The following NOS1 variants were observed in gnomAD, a reference collection of about 807,000 sequenced individuals.
NOS1 encodes the protein NOS type I.
A neutral mutation model predicts 164.5 loss-of-function variants in NOS1; 51 were observed. The observed-to-expected ratio is 0.31, with a 90% CI of 0.25 to 0.39. NOS1 has a LOEUF of 0.39. NOS1 is among the 10% of genes least tolerant of loss of function. NOS1 has a pLI of 1.00. For missense variants in NOS1, 1,362 were observed against 1,885.6 expected, an observed-to-expected ratio of 0.72 and a Z score of 5.14; for synonymous variants, 719 against 745.8, an observed-to-expected ratio of 0.96 and a Z score of 0.59.
At chr12:117,320,700 C>T (rs1874873655) in intron 2 of NOS1, among the ~76,000 whole-genome samples, 1 of 152,142 alleles carries the variant, frequency 6.6e-6, no homozygotes, top group Non-Finnish European at 1.5e-5. Flanking sequence ...ACCCATGTGT[C>T]CAGCCTCACT....
Position 117,272,134 on chromosome 12 carries a change from A to G in NOS1, c.1839+251T>C, listed in dbSNP as rs572082521. ...AAGGTTCAGGTGAGGATGAAATGAG[A>G]ATGGAACACAGCAACAGTGCTTCGG... is the stretch of plus-strand genomic sequence containing the variant. On this transcript the variant is annotated intron_variant, in intron 10 of 28. Coordinates refer to ENST00000317775, the MANE Select transcript of NOS1 (RefSeq NM_000620.5). The surrounding 1 kb of genome is among the most constrained non-coding windows in gnomAD (Gnocchi z 4.3). Among the ~76,000 whole-genome samples, 2 of 152,282 alleles carry G rather than the reference A, an allele frequency of 1.3e-5. No individual in the cohort carries two copies. Among genetic ancestry groups the G allele is most frequent in the Admixed American group, 1.3e-4 (2 of 15,300 alleles).
Position 117,288,136 on chromosome 12 carries a change from T to G in NOS1, c.1065A>C (p.Thr355=). 1 of 1,614,224 alleles carries G rather than the reference T, an allele frequency of 6.2e-7. No individual in the cohort carries two copies. The highest frequency in any genetic ancestry group is 8.5e-7 in the Non-Finnish European group (1 of 1,180,036). ...TGGCGAGAGGGAAGAGCTGTCCTTTTGTGCGGACGTCTTCAGGCCTCCTTG... is the reference window on the plus strand; with the variant it reads ...TGGCGAGAGGGAAGAGCTGTCCTTTGGTGCGGACGTCTTCAGGCCTCCTTG... ...QHARRPEDVR[T]KGQLFPLAKE... is the part of the protein sequence containing the mutation. The change falls in exon 5 of 29, where the codon ACA becomes ACC. Residue 355 remains threonine (T), a synonymous_variant. Transcript: ENST00000317775.
chr12:117,226,955 AC>A lies in NOS1; in HGVS notation c.3617-186del, dbSNP rs371275951. On this transcript the variant is annotated intron_variant, in intron 23 of 28. Transcript: ENST00000317775. ...GCTGGGGTGACTTCGTGCCTGTGCA[AC>A]CACCCAGGGTTCTATTGGGTAGGGG... Among the ~76,000 whole-genome samples the A allele has an allele frequency of 1.1e-3, 169 of 152,140 alleles. 2 individuals carry two copies. Among genetic ancestry groups the A allele is most frequent in the East Asian group, 7.7e-3 (40 of 5,162 alleles).
chr12:117,318,314 T>C (rs1874759677), intron 2 of NOS1, among the ~76,000 whole-genome samples: 1 of 152,106 alleles, frequency 6.6e-6, no homozygotes, highest in African/African-American at 2.4e-5. Context: ...CCCTGGGAAC[T>C]CTCTGGCCCA....
intron 2 of NOS1, among the ~76,000 whole-genome samples, chr12:117,327,313 T>C (rs1875301924): frequency 1.3e-5 from 2 of 151,974 alleles, no homozygotes; most frequent in South Asian, 2.1e-4. Flanking sequence ...AGGTGGTGCT[T>C]GGGGGCAGCC....
intron 3 of NOS1, chr12:117,304,900 T>G: frequency 1.7e-6 from 1 of 587,044 alleles, no homozygotes; most frequent in Non-Finnish European, 2.1e-6. Context: ...ACCTCACTAT[T>G]TCCTCCAGGA....
chr12:117,257,609 T>C (rs1485275527), intron 16 of NOS1, among the ~76,000 whole-genome samples: 1 of 31,506 alleles, frequency 3.2e-5, no homozygotes, highest in Non-Finnish European at 4.8e-5. Flanking sequence ...GATTTTAGCT[T>C]TTTTTTTTTT....
chr12:117,214,856 C>T lies in NOS1; in HGVS notation c.*453G>A, dbSNP rs899663713. ...CATCACACACACACACACACACACA[C>T]ACACACACACAGGCACGCACAACCA... On this transcript the variant is annotated 3_prime_UTR_variant, in exon 29 of 29. Coordinates refer to ENST00000317775, the MANE Select transcript of NOS1 (RefSeq NM_000620.5). The T allele has an allele frequency of 3.0e-6, 3 of 987,220 alleles. No homozygotes were observed. The East Asian group carries it at 3.4e-4, about 111-fold the overall frequency. 61.2% of individuals were successfully genotyped at this position (987,220 alleles called of 1,614,324 possible).
intron 10 of NOS1, among the ~76,000 whole-genome samples, chr12:117,271,008 A>G (rs974351503): frequency 6.6e-6 from 1 of 152,166 alleles, no homozygotes; most frequent in Non-Finnish European, 1.5e-5. Context: ...GCACCACTGC[A>G]TTCAAGCCTG....
At chr12:117,339,032 T>C (rs766859147) in intron 1 of NOS1, among the ~76,000 whole-genome samples, 1 of 152,136 alleles carries the variant, frequency 6.6e-6, no homozygotes, top group Non-Finnish European at 1.5e-5. Flanking sequence ...TTTTAAAAAA[T>C]GCAAAACCAC....
chr12:117,279,713 A>G (rs879813393), intron 8 of NOS1, among the ~76,000 whole-genome samples: 1 of 152,200 alleles, frequency 6.6e-6, no homozygotes, highest in Non-Finnish European at 1.5e-5. Context: ...TCTGGTGACC[A>G]CGAGGACAAG....
chr12:117,312,618 T>G (rs1032972851), intron 2 of NOS1, among the ~76,000 whole-genome samples: 2 of 151,980 alleles, frequency 1.3e-5, no homozygotes, highest in Non-Finnish European at 2.9e-5. Context: ...AGATAGGGTC[T>G]CACTGTGTTG....
rs1872300928 is a variant in NOS1, at chr12:117,265,348, T to C, written c.2104A>G (p.Asn702Asp). The change falls in exon 12 of 29, where the codon AAC becomes GAC. Residue 702 changes from asparagine (N) to aspartate (D), a missense_variant. Asn to Asp is a conservative substitution (Grantham distance 23). Transcript: ENST00000317775. ...ITPVFHQEMLNYRLTPSFEYQ... is the reference protein window; with the variant it reads ...ITPVFHQEMLDYRLTPSFEYQ... ...TCGAAGGAGGGGGTGAGCCGGTAGTTGAGCATCTCCTGGTGGAACACAGGG... is the reference window on the plus strand; with the variant it reads ...TCGAAGGAGGGGGTGAGCCGGTAGTCGAGCATCTCCTGGTGGAACACAGGG... The C allele has an allele frequency of 1.3e-6, 2 of 1,564,136 alleles. No individual in the cohort carries two copies. Among genetic ancestry groups the C allele is most frequent in the East Asian group, 4.6e-5 (2 of 43,062 alleles).
rs1048507856 is a variant in NOS1, at chr12:117,211,725, C to T, written c.*3584G>A. 2 of 985,374 alleles carry T rather than the reference C, an allele frequency of 2.0e-6. No individual in the cohort carries two copies. Among genetic ancestry groups the T allele is most frequent in the Admixed American group, 1.2e-4 (2 of 16,254 alleles). 61.0% of individuals were successfully genotyped at this position (985,374 alleles called of 1,614,324 possible). A position where few individuals can be genotyped will look rare whatever the true frequency, so the allele number is the denominator to read the frequency against. On this transcript the variant is annotated 3_prime_UTR_variant, in exon 29 of 29. Coordinates refer to ENST00000317775, the MANE Select transcript of NOS1 (RefSeq NM_000620.5). ...AGTGAAATCCCGCCCATTTCTCAAA[C>T]CCCAGAAATTTATGTCAGTTCCAAG... is the stretch of plus-strand genomic sequence containing the variant.
chr12:117,212,388 GT>G lies in NOS1; in HGVS notation c.*2920del. On this transcript the variant is annotated 3_prime_UTR_variant, in exon 29 of 29. Transcript: ENST00000317775. Reference sequence around the variant, plus strand: ...AATTCCATATTGATGGGTCTGAAGTGTCCCCCCGCAAAAGAAAGACACCTGG... The same window carrying G: ...AATTCCATATTGATGGGTCTGAAGTGCCCCCCGCAAAAGAAAGACACCTGG... 1 of 985,342 alleles carries G rather than the reference GT, an allele frequency of 1.0e-6. No individual in the cohort carries two copies. 61.0% of individuals were successfully genotyped at this position (985,342 alleles called of 1,614,324 possible). A position where few individuals can be genotyped will look rare whatever the true frequency, so the allele number is the denominator to read the frequency against.
At chr12:117,275,157 T>C (rs1222389925) in intron 9 of NOS1, among the ~76,000 whole-genome samples, 1 of 151,946 alleles carries the variant, frequency 6.6e-6, no homozygotes, top group East Asian at 1.9e-4. Flanking sequence ...TACACACATA[T>C]ATATATACAC....
At position 117,215,195 on chromosome 12, in the gene NOS1, C is replaced by T; in HGVS notation, c.*114G>A. 1 of 1,347,050 alleles carries T rather than the reference C, an allele frequency of 7.4e-7. No homozygotes were observed. 83.4% of individuals were successfully genotyped at this position (1,347,050 alleles called of 1,614,324 possible). On this transcript the variant is annotated 3_prime_UTR_variant, in exon 29 of 29. Transcript: ENST00000317775. ...AGAAGCCCGAGGAGGGAAACCAGGG[C>T]ACAGCGACAAGGACAGGAGGCAGAG...
chr12:117,293,319 G>A (rs1278753129), intron 3 of NOS1, among the ~76,000 whole-genome samples: 2 of 152,118 alleles, frequency 1.3e-5, no homozygotes, highest in South Asian at 4.1e-4. Context: ...CTCAGTGCCG[G>A]GCGCTACCAA....
chr12:117,306,881 A>G (rs533313385), intron 3 of NOS1, among the ~76,000 whole-genome samples: 4 of 152,250 alleles, frequency 2.6e-5, no homozygotes, highest in Non-Finnish European at 4.4e-5. Context: ...TGGCCTCCCA[A>G]AGTGCTGGGA....
Sources: allele counts gnomAD v4.1 joint callset (sites outside exome capture counted in the v4.1 genomes callset), GRCh38; gene constraint gnomAD v4.1.1; non-coding constraint Gnocchi (gnomAD v3.1); transcripts MANE v1.5; gene names NCBI Gene and HGNC (gene_info 2026-07-23, HGNC 2026-07-21).